Variants in AFG1L observed in about 807,000 individuals in gnomAD.
The protein encoded by AFG1L is AFG1-like ATPase.
A neutral mutation model predicts 62.2 loss-of-function variants in AFG1L; 53 were observed. The observed-to-expected ratio is 0.85, with a 90% CI of 0.68 to 1.07. AFG1L has a LOEUF of 1.07. Ranked by LOEUF, AFG1L falls within the 50% of genes least tolerant of loss-of-function variation. The pLI, the probability that AFG1L is intolerant of heterozygous loss-of-function variation, is 0.00. For missense variants in AFG1L, 555 were observed against 590.5 expected (o/e 0.94, Z 0.62); for synonymous variants, 228 against 210.3 (o/e 1.08, Z -0.73).
Position 108,522,347 on chromosome 6 carries a change from A to C in AFG1L, c.1368A>C (p.Ala456=). 6.2e-7 allele frequency: 1 copy of C among 1,614,018 alleles called. No individual in the cohort carries two copies. The highest frequency in any genetic ancestry group is 8.5e-7 in the Non-Finnish European group (1 of 1,179,922). The change falls in exon 13 of 13, where the codon GCA becomes GCC. Residue 456 remains alanine (A), a synonymous_variant. Coordinates refer to ENST00000368977, the MANE Select transcript of AFG1L (RefSeq NM_145315.5). ...SMFTGEEEIF[A]FQRTISRLTE... ...TTACCGGAGAAGAGGAAATCTTTGCATTTCAGCGCACAATTTCCCGACTCA... is the reference window on the plus strand; with the variant it reads ...TTACCGGAGAAGAGGAAATCTTTGCCTTTCAGCGCACAATTTCCCGACTCA...
chr6:108,387,836 A>C (rs542519544), intron 6 of AFG1L: 1 of 152,130 alleles, frequency 6.6e-6, no homozygotes, highest in African/African-American at 2.4e-5. Context: ...GACTGCGCCA[A>C]TTCATTCATA....
intron 7 of AFG1L, among the ~76,000 whole-genome samples, 159 bp downstream of exon 7, chr6:108,402,213 C>T (rs1781651998): frequency 1.3e-5 from 2 of 151,802 alleles, no homozygotes; most frequent in Admixed American, 1.3e-4. Context: ...GCCTTTAATC[C>T]CAGCACTTTG....
At chr6:108,329,803 T>A (rs1446645380) in intron 2 of AFG1L, among the ~76,000 whole-genome samples, 8 of 152,286 alleles carry the variant, frequency 5.3e-5, no homozygotes, top group East Asian at 1.9e-4. Context: ...GTGATGGAGT[T>A]CTTTATTCTG....
At chr6:108,304,868 C>T (rs968370200) in intron 1 of AFG1L, among the ~76,000 whole-genome samples, 2 of 152,090 alleles carry the variant, frequency 1.3e-5, no homozygotes, top group Non-Finnish European at 2.9e-5. Flanking sequence ...GGATACCAGA[C>T]GACTAATAAA....
chr6:108,419,840 C>T (rs1770508725), intron 7 of AFG1L, among the ~76,000 whole-genome samples: 1 of 151,976 alleles, frequency 6.6e-6, no homozygotes, highest in South Asian at 2.1e-4. Context: ...TAGAATATTC[C>T]CATGGTGTGA....
intron 8 of AFG1L, among the ~76,000 whole-genome samples, chr6:108,473,045 G>C (rs1772967991): frequency 2.0e-5 from 3 of 152,044 alleles, no homozygotes; most frequent in Admixed American, 2.0e-4. Flanking sequence ...CAAGTAATCT[G>C]ACCACCTCGG....
intron 10 of AFG1L, among the ~76,000 whole-genome samples, chr6:108,490,603 C>T (rs1313141692): frequency 6.6e-6 from 1 of 152,152 alleles, no homozygotes; most frequent in African/African-American, 2.4e-5. Context: ...CAATTTCTTT[C>T]CTGAACTTTC....
chr6:108,433,298 G>A (rs150898200), intron 7 of AFG1L, among the ~76,000 whole-genome samples: 46 of 150,088 alleles, frequency 3.1e-4, no homozygotes, highest in African/African-American at 1.1e-3. Flanking sequence ...TATTTTTTGA[G>A]AGACAGAGTC....
chr6:108,388,470 G>A (rs1780873955), intron 6 of AFG1L, among the ~76,000 whole-genome samples: 4 of 152,020 alleles, frequency 2.6e-5, no homozygotes, highest in Admixed American at 2.6e-4. Flanking sequence ...TGTGATGTTA[G>A]GGTGTCAATT....
intron 6 of AFG1L, among the ~76,000 whole-genome samples, chr6:108,383,441 T>C (rs1405662998): frequency 6.6e-6 from 1 of 152,014 alleles, no homozygotes; most frequent in Non-Finnish European, 1.5e-5. Flanking sequence ...TGAGATCAGC[T>C]GTGATAAAAG....
At chr6:108,300,540 A>G (rs1240997523) in intron 1 of AFG1L, among the ~76,000 whole-genome samples, 2 of 152,056 alleles carry the variant, frequency 1.3e-5, no homozygotes, top group African/African-American at 4.8e-5. Context: ...ATTTATACAT[A>G]TTTTGTTTCT....
In AFG1L at chr6:108,355,678, A is replaced by C. The variant is rs768252712; in HGVS notation, c.440A>C (p.Asp147Ala). 1.1e-5 allele frequency: 18 copies of C among 1,606,462 alleles called. No homozygotes were observed. Among genetic ancestry groups the C allele is most frequent in the Non-Finnish European group, 1.3e-5 (15 of 1,177,076 alleles). ...GGTACAGGAAAAACAATGGTGATGG[A>C]CATGTTTTATGCTTATGTGGAAATG... ...DVGTGKTMVM[D>A]MFYAYVEMKR... The change falls in exon 4 of 13, where the codon GAC (aspartate) becomes GCC (alanine). Residue 147 changes from aspartate to alanine, a missense_variant. By Grantham distance (126) the Asp-to-Ala change is moderately radical. Transcript: ENST00000368977.
At chr6:108,422,488 A>AAAAAAAAAAAAAAAAAAAAAAAAAAAG (rs1770641506) in intron 7 of AFG1L, among the ~76,000 whole-genome samples, 1 of 147,530 alleles carries the variant, frequency 6.8e-6, no homozygotes, top group African/African-American at 2.5e-5. Flanking sequence ...AAAAAAAAAA[A>AAAAAAAAAAAAAAAAAAAAAAAAAAAG]AAAAAAAAAA....
At position 108,477,308 on chromosome 6, in the gene AFG1L, C is replaced by T. The variant is rs187058705; in HGVS notation, c.1062+16C>T. The T allele has an allele frequency of 1.3e-5, 20 of 1,498,710 alleles. 1 individual carries two copies. In the South Asian group the frequency reaches 1.3e-4, roughly 10 times the overall value. The allele number at this position is 1,498,710 out of a possible 1,614,324, so 92.8% of individuals were successfully genotyped here. On this transcript the variant is annotated intron_variant, in intron 10 of 12. Coordinates refer to ENST00000368977, the MANE Select transcript of AFG1L (RefSeq NM_145315.5). ...GTGTGAGAGAGTAAGTATCCAGGCACGTCCAGACTCACTGGCCTTTTCACA... is the reference window on the plus strand; with the variant it reads ...GTGTGAGAGAGTAAGTATCCAGGCATGTCCAGACTCACTGGCCTTTTCACA...
At chr6:108,461,753 C>G (rs1170640095) in intron 8 of AFG1L, among the ~76,000 whole-genome samples, 1 of 152,118 alleles carries the variant, frequency 6.6e-6, no homozygotes, top group East Asian at 1.9e-4. Context: ...GCCACTGTGC[C>G]CAGCCCAAGT....
intron 1 of AFG1L, among the ~76,000 whole-genome samples, chr6:108,316,622 C>T (rs1345819049): frequency 6.7e-6 from 1 of 150,008 alleles, no homozygotes; most frequent in Non-Finnish European, 1.5e-5. Context: ...CAAGCTCCGC[C>T]TCCCAGGTTC....
At chr6:108,412,734 C>T (rs1189471651) in intron 7 of AFG1L, among the ~76,000 whole-genome samples, 1 of 152,240 alleles carries the variant, frequency 6.6e-6, no homozygotes, top group African/African-American at 2.4e-5. Flanking sequence ...TTGTCACCAC[C>T]AGGCCTGCCC....
At chr6:108,471,013 T>C (rs1295588038) in intron 8 of AFG1L, among the ~76,000 whole-genome samples, 1 of 152,208 alleles carries the variant, frequency 6.6e-6, no homozygotes, top group East Asian at 1.9e-4. Flanking sequence ...GTATTTATTT[T>C]CTTTAAGATA....
At chr6:108,419,881 T>C (rs1770511014) in intron 7 of AFG1L, among the ~76,000 whole-genome samples, 1 of 152,210 alleles carries the variant, frequency 6.6e-6, no homozygotes, top group South Asian at 2.1e-4. Flanking sequence ...AAAACTTGTT[T>C]GATTATAACC....
Sources: gnomAD v4.1 joint callset for allele counts (sites outside exome capture counted in the v4.1 genomes callset) on GRCh38, gnomAD v4.1.1 for gene constraint, MANE v1.5 for transcripts, NCBI Gene and HGNC (gene_info 2026-07-23, HGNC 2026-07-21) for gene names.